The following TMCC1 variants were observed in gnomAD, a reference collection of about 807,000 sequenced individuals.
TMCC1 encodes the protein transmembrane and coiled-coil domain family 1, also known as transmembrane and coiled-coil domains protein 1.
A neutral mutation model predicts 52.4 loss-of-function variants in TMCC1; 15 were observed. That is an observed-to-expected ratio of 0.29 (90% CI 0.19 to 0.44). TMCC1 has a LOEUF of 0.44. Ranked by LOEUF, TMCC1 falls within the 20% of genes least tolerant of loss-of-function variation. The probability of loss-of-function intolerance (pLI) is 1.00; values close to 1 mark genes in which losing one functional copy is unlikely to be tolerated. For synonymous variants in TMCC1, 279 were observed against 301.9 expected, an observed-to-expected ratio of 0.92 and a Z score of 0.79; for missense variants, 503 against 806.0, an observed-to-expected ratio of 0.62 and a Z score of 4.55.
rs1464998214 is a variant in TMCC1 at position 129,778,734 on chromosome 3, G to A, written c.576+49069C>T. ...ATAGTGAGTTCTCACAAAATCTGAT[G>A]GTTTTATATGAGGCTTTTCCCCCTT... On this transcript the variant is annotated intron_variant, in intron 4 of 6. Transcript: ENST00000393238. Among the ~76,000 whole-genome samples, 7 of 151,770 alleles carry A rather than the reference G, an allele frequency of 4.6e-5. No individual in the cohort carries two copies. In the East Asian group the frequency reaches 1.4e-3, roughly 30 times the overall value.
intron 2 of TMCC1, among the ~76,000 whole-genome samples, chr3:129,843,459 T>C (rs183505852): frequency 1.4e-4 from 22 of 152,188 alleles, no homozygotes; most frequent in Non-Finnish European, 2.6e-4. Context: ...TTTGAAAAGA[T>C]TGATAAAATT....
chr3:129,687,450 T>C (rs113424807), intron 4 of TMCC1, among the ~76,000 whole-genome samples: 4 of 152,280 alleles, frequency 2.6e-5, no homozygotes, highest in African/African-American at 9.6e-5. Context: ...AAGTAAAACA[T>C]ACATTTTAAA....
chr3:129,843,129 G>A (rs112083441), intron 2 of TMCC1, among the ~76,000 whole-genome samples: 13,771 of 152,140 alleles, frequency 0.091, 2,038 homozygotes, highest in African/African-American at 0.31. Context: ...GGCAGATCAC[G>A]AGGTCAGGAG....
At chr3:129,688,199 T>A in intron 4 of TMCC1, 3 of 985,428 alleles carry the variant, frequency 3.0e-6, no homozygotes, top group Non-Finnish European at 3.6e-6. Flanking sequence ...TCAGGCAGTC[T>A]GCTGATTTTG....
chr3:129,654,157 G>A (rs917014937), intron 6 of TMCC1, among the ~76,000 whole-genome samples: 19 of 152,116 alleles, frequency 1.2e-4, no homozygotes, highest in African/African-American at 4.6e-4. Context: ...CTCCAAAGTT[G>A]GTCTGAGCCT....
intron 1 of TMCC1, among the ~76,000 whole-genome samples, chr3:129,881,206 TGGAGGTA>T (rs1434784121): frequency 2.6e-5 from 4 of 152,116 alleles, no homozygotes; most frequent in Non-Finnish European, 5.9e-5. Flanking sequence ...AGTGATCACA[TGGAGGTA>T]ATACCAGTGA....
chr3:129,710,884 A>T (rs2048623591), intron 4 of TMCC1, among the ~76,000 whole-genome samples: 1 of 152,182 alleles, frequency 6.6e-6, no homozygotes, highest in Admixed American at 6.5e-5. Context: ...TATTTTCTTG[A>T]GATGGAGTCT....
chr3:129,726,831 T>TGCA (rs1272036893), intron 4 of TMCC1, among the ~76,000 whole-genome samples: 1 of 113,078 alleles, frequency 8.8e-6, no homozygotes, highest in Non-Finnish European at 1.7e-5. Context: ...ATGGTGCCAC[T>TGCA]GCACTTCAGC....
chr3:129,730,719 G>A (rs779497575), intron 4 of TMCC1, among the ~76,000 whole-genome samples: 2 of 152,174 alleles, frequency 1.3e-5, no homozygotes, highest in African/African-American at 2.4e-5. Flanking sequence ...GATTGGAATT[G>A]TGTTAAAAGG....
At chr3:129,855,128 C>A (rs1363424017) in intron 2 of TMCC1, among the ~76,000 whole-genome samples, 4 of 152,184 alleles carry the variant, frequency 2.6e-5, no homozygotes, top group Non-Finnish European at 5.9e-5. Flanking sequence ...GTCCTTTTAG[C>A]TAAGATAATG....
chr3:129,840,106 T>A (rs1409007058), intron 2 of TMCC1, among the ~76,000 whole-genome samples: 2 of 150,570 alleles, frequency 1.3e-5, no homozygotes, highest in Non-Finnish European at 2.9e-5. Flanking sequence ...GGCAGAAGGA[T>A]CGCTTGAGCC....
At chr3:129,840,627 C>T (rs1430602441) in intron 2 of TMCC1, among the ~76,000 whole-genome samples, 4 of 152,124 alleles carry the variant, frequency 2.6e-5, no homozygotes, top group South Asian at 2.1e-4. Flanking sequence ...GACTGGATCA[C>T]GGGGGTGGTT....
intron 4 of TMCC1, among the ~76,000 whole-genome samples, chr3:129,783,908 A>C (rs1224812203): frequency 6.6e-6 from 1 of 152,248 alleles, no homozygotes; most frequent in African/African-American, 2.4e-5. Context: ...TGATATTCAG[A>C]CTTGTCTGAT....
At chr3:129,800,226 T>C (rs1255546282) in intron 4 of TMCC1, among the ~76,000 whole-genome samples, 3 of 152,210 alleles carry the variant, frequency 2.0e-5, no homozygotes, top group Admixed American at 2.0e-4. Context: ...AATGCCACAA[T>C]TTATCCATTC....
At chr3:129,665,337 G>A (rs4306849) in intron 5 of TMCC1, among the ~76,000 whole-genome samples, 144,190 of 152,270 alleles carry the variant, frequency 0.95, 68,807 homozygotes, top group Non-Finnish European at 1. Flanking sequence ...TCCAGAGTTA[G>A]GCAGATGGTC....
chr3:129,834,915 T>C (rs189247479), intron 2 of TMCC1, among the ~76,000 whole-genome samples: 40 of 152,312 alleles, frequency 2.6e-4, no homozygotes, highest in African/African-American at 8.9e-4. Context: ...CCATACTTCA[T>C]TTAGCCCCAA....
chr3:129,826,913 A>T (rs948711221), intron 4 of TMCC1, among the ~76,000 whole-genome samples: 2 of 152,196 alleles, frequency 1.3e-5, no homozygotes, highest in Non-Finnish European at 2.9e-5. Context: ...CTAGCCCACA[A>T]ATGTGTTCAG....
At chr3:129,808,861 A>G (rs1255334477) in intron 4 of TMCC1, among the ~76,000 whole-genome samples, 1 of 151,242 alleles carries the variant, frequency 6.6e-6, no homozygotes, top group African/African-American at 2.4e-5. Flanking sequence ...GATAAATTTC[A>G]GAATAAAAAA....
At chr3:129,725,920 A>G (rs1313890552) in intron 4 of TMCC1, among the ~76,000 whole-genome samples, 1 of 152,212 alleles carries the variant, frequency 6.6e-6, no homozygotes, top group African/African-American at 2.4e-5. Context: ...TGCCAAAGGT[A>G]GGAGATACAA....
Sources: allele counts gnomAD v4.1 joint callset (sites outside exome capture counted in the v4.1 genomes callset), GRCh38; gene constraint gnomAD v4.1.1; transcripts MANE v1.5; gene names NCBI Gene and HGNC (gene_info 2026-07-23, HGNC 2026-07-21).